Variants in SLC6A2 observed in about 807,000 individuals in gnomAD.
The protein encoded by SLC6A2 is solute carrier family 6 member 2.
In SLC6A2, 26 loss-of-function variants were observed where a neutral mutation model predicts 71.7. That is an observed-to-expected ratio of 0.36 (90% CI 0.27 to 0.50). The LOEUF is 0.50. SLC6A2 is among the 20% of genes least tolerant of loss of function. SLC6A2 has a pLI of 0.96. For synonymous variants in SLC6A2, 363 were observed against 337.9 expected, an observed-to-expected ratio of 1.07 and a Z score of -0.82; for missense variants, 581 against 803.9, an observed-to-expected ratio of 0.72 and a Z score of 3.35.
At position 55,704,057 on chromosome 16, in the gene SLC6A2, G is replaced by A. The variant is rs1464718128; in HGVS notation, c.*1711G>A. On this transcript the variant is annotated 3_prime_UTR_variant, in exon 15 of 15. Transcript: ENST00000568943. ...GAGCCCTGTGAACAGTGAGGCTTAAGAATGGAGAACAATCAGGTCGGGGTC... is the reference window on the plus strand; with the variant it reads ...GAGCCCTGTGAACAGTGAGGCTTAAAAATGGAGAACAATCAGGTCGGGGTC... The A allele has an allele frequency of 6.6e-6, 1 of 152,476 alleles. No individual in the cohort carries two copies. Among genetic ancestry groups the A allele is most frequent in the Non-Finnish European group, 1.5e-5 (1 of 68,290 alleles). 9.4% of individuals were successfully genotyped at this position (152,476 alleles called of 1,614,324 possible). A position where few individuals can be genotyped will look rare whatever the true frequency, so the allele number is the denominator to read the frequency against.
chr16:55,688,203 C>T (rs1161164443), intron 5 of SLC6A2, among the ~76,000 whole-genome samples: 1 of 152,208 alleles, frequency 6.6e-6, no homozygotes, highest in East Asian at 1.9e-4. Context: ...GAACCTGGAA[C>T]AGGACATTGA....
At chr16:55,691,835 TG>T in intron 5 of SLC6A2, 82 bp from the exon 6 acceptor site, 1 of 1,511,886 alleles carries the variant, frequency 6.6e-7, no homozygotes, top group Non-Finnish European at 9.2e-7. Flanking sequence ...ACTGGCTCCC[TG>T]GGAAAGGGCT....
At chr16:55,683,915 G>A (rs1407841966) in intron 4 of SLC6A2, among the ~76,000 whole-genome samples, 1 of 152,072 alleles carries the variant, frequency 6.6e-6, no homozygotes, top group Non-Finnish European at 1.5e-5. Context: ...TTATATGACT[G>A]GAGTCAGACG....
At chr16:55,677,930 G>A (rs1965146160) in intron 4 of SLC6A2, among the ~76,000 whole-genome samples, 1 of 152,146 alleles carries the variant, frequency 6.6e-6, no homozygotes, top group African/African-American at 2.4e-5. Context: ...CAAAGTGATG[G>A]GATTACAGGT....
intron 2 of SLC6A2, among the ~76,000 whole-genome samples, chr16:55,665,295 G>A (rs1291059422): frequency 6.6e-6 from 1 of 152,166 alleles, no homozygotes; most frequent in East Asian, 1.9e-4. Context: ...GTCGAAGTGT[G>A]AGCAGCCTTG....
intron 5 of SLC6A2, among the ~76,000 whole-genome samples, chr16:55,690,524 A>C (rs915073419): frequency 1.3e-5 from 2 of 152,130 alleles, no homozygotes; most frequent in South Asian, 4.1e-4. Context: ...TGAGGGGTGG[A>C]ACCATCTGGC....
intron 4 of SLC6A2, among the ~76,000 whole-genome samples, chr16:55,680,544 G>A (rs1205463043): frequency 6.6e-6 from 1 of 152,144 alleles, no homozygotes; most frequent in Non-Finnish European, 1.5e-5. Flanking sequence ...TCTTCTGCCT[G>A]CTTTTGTTCT....
At chr16:55,674,493 C>T (rs1007229305) in intron 4 of SLC6A2, among the ~76,000 whole-genome samples, 11 of 150,744 alleles carry the variant, frequency 7.3e-5, no homozygotes, top group Admixed American at 5.3e-4. Flanking sequence ...GGTGTGATCT[C>T]GGCTCACTGC....
intron 14 of SLC6A2, among the ~76,000 whole-genome samples, 176 bp downstream of exon 14, chr16:55,702,110 T>A (rs182818502): frequency 1.1e-3 from 173 of 152,338 alleles, no homozygotes; most frequent in Middle Eastern, 3.4e-3. Flanking sequence ...CTTGAGCCCA[T>A]GGCCTCAGGC....
In SLC6A2 at chr16:55,697,954, C is replaced by T; in HGVS notation, c.1318C>T (p.Arg440Ter). Residue 440 changes from arginine to a stop codon, truncating the protein, a stop_gained, in exon 10 of 15, where the codon CGA becomes TGA. Coordinates refer to ENST00000568943, the MANE Select transcript of SLC6A2 (RefSeq NM_001172501.3). LOFTEE classifies it high-confidence loss of function. ...GGCAGATGACTTCCAGGTCCTGAAG[C>T]GACACCGGAAACTCTTCACATTTGG... ...GLADDFQVLK[R>*]HRKLFTFGVT... 6.2e-7 allele frequency: 1 copy of T among 1,613,992 alleles called. No individual in the cohort carries two copies. The highest frequency in any genetic ancestry group is 8.5e-7 in the Non-Finnish European group (1 of 1,179,940).
intron 4 of SLC6A2, among the ~76,000 whole-genome samples, chr16:55,682,927 C>CAT (rs1596986920): frequency 6.6e-6 from 1 of 152,162 alleles, no homozygotes; most frequent in East Asian, 1.9e-4. Flanking sequence ...TCCCATGCTA[C>CAT]GATACAAGCC....
intron 14 of SLC6A2, 84 bp from the exon 15 acceptor site, chr16:55,702,239 C>T (rs2142641185): frequency 7.5e-7 from 1 of 1,341,418 alleles, no homozygotes. Context: ...TGCCTTCTCT[C>T]TACCTCCTGC....
chr16:55,671,872 C>A, intron 3 of SLC6A2, 66 bp from the exon 4 acceptor site: 1 of 1,609,914 alleles, frequency 6.2e-7, no homozygotes, highest in East Asian at 2.2e-5. Flanking sequence ...TGGAGCCACA[C>A]CCAAGGAGAG....
chr16:55,675,736 G>T (rs1965065017), intron 4 of SLC6A2, among the ~76,000 whole-genome samples: 1 of 152,048 alleles, frequency 6.6e-6, no homozygotes, highest in African/African-American at 2.4e-5. Context: ...AAATAGACAT[G>T]TGTGGCCAGT....
chr16:55,675,218 C>T (rs1379989930), intron 4 of SLC6A2, among the ~76,000 whole-genome samples: 1 of 152,168 alleles, frequency 6.6e-6, no homozygotes, highest in Non-Finnish European at 1.5e-5. Context: ...CATCCATTGT[C>T]TTCATCCCTC....
intron 4 of SLC6A2, among the ~76,000 whole-genome samples, chr16:55,682,108 T>C (rs1315370355): frequency 3.9e-5 from 6 of 152,184 alleles, no homozygotes; most frequent in Admixed American, 1.3e-4. Context: ...GGTTTCGCCA[T>C]GTTGACCAGG....
rs1395925872 is a variant in SLC6A2 at position 55,702,372 on chromosome 16, C to A, written c.*26C>A. ...GCCTGCCTGGAGGAGAAGGAGGAAC[C>A]CCCATGCCAATGTCCAGGTCACAGG... On this transcript the variant is annotated 3_prime_UTR_variant, in exon 15 of 15. Coordinates refer to ENST00000568943, the MANE Select transcript of SLC6A2 (RefSeq NM_001172501.3). 7.4e-6 allele frequency: 12 copies of A among 1,614,060 alleles called. No homozygotes were observed. Among genetic ancestry groups the A allele is most frequent in the Non-Finnish European group, 1.0e-5 (12 of 1,180,034 alleles).
rs369332074 is a variant in SLC6A2 at position 55,700,265 on chromosome 16, G to A, written c.1717G>A (p.Val573Ile). The A allele has an allele frequency of 3.9e-5, 63 of 1,613,818 alleles. No individual in the cohort carries two copies. The highest frequency in any genetic ancestry group is 1.2e-4 in the Admixed American group (7 of 59,984). Residue 573 changes from valine to isoleucine, a missense_variant, in exon 13 of 15, where the codon GTC becomes ATC. Coordinates refer to ENST00000568943, the MANE Select transcript of SLC6A2 (RefSeq NM_001172501.3). ...LSSMVLVPIY[V>I]IYKFLSTQGS... ...CTCCATGGTCCTGGTGCCCATCTAC[G>A]TCATCTATAAGTTCCTCAGCACGCA...
At chr16:55,668,510 T>C (rs1175521551) in intron 2 of SLC6A2, among the ~76,000 whole-genome samples, 2 of 152,126 alleles carry the variant, frequency 1.3e-5, no homozygotes, top group Non-Finnish European at 2.9e-5. Flanking sequence ...TAAAGGCCAG[T>C]GGTAACAGGA....
Sources: gnomAD v4.1 joint callset for allele counts (sites outside exome capture counted in the v4.1 genomes callset) on GRCh38, gnomAD v4.1.1 for gene constraint, MANE v1.5 for transcripts, NCBI Gene and HGNC (gene_info 2026-07-23, HGNC 2026-07-21) for gene names.